SDC2: variants seen among roughly 807,000 people sequenced by gnomAD.
SDC2 encodes syndecan 2.
A neutral mutation model predicts 22.2 loss-of-function variants in SDC2; 13 were observed. That is an observed-to-expected ratio of 0.59 (90% CI 0.38 to 0.93). The LOEUF (loss-of-function observed/expected upper bound fraction) is 0.93. Ranked by LOEUF, SDC2 falls within the 40% of genes least tolerant of loss-of-function variation. The pLI is 0.00. For synonymous variants in SDC2, 94 were observed against 92.8 expected (o/e 1.01, Z -0.07); for missense variants, 235 against 246.8 (o/e 0.95, Z 0.32).
rs1024731604 is a variant in SDC2, at chr8:96,611,008, G to A, written c.*1460G>A. The A allele has an allele frequency of 2.0e-5, 3 of 152,644 alleles. No individual in the cohort carries two copies. The highest frequency in any genetic ancestry group is 2.0e-4 in the Admixed American group (3 of 15,286). The allele number at this position is 152,644 out of a possible 1,614,324, so 9.5% of individuals were successfully genotyped here. ...TCTGAATGGGGCTTTCCTGATGTTG[G>A]TATCTAAGGCTTAGGCCTATAGATT... On this transcript the variant is annotated 3_prime_UTR_variant, in exon 5 of 5. Coordinates refer to ENST00000302190, the MANE Select transcript of SDC2 (RefSeq NM_002998.4).
chr8:96,535,706 G>A (rs538569859), intron 1 of SDC2, among the ~76,000 whole-genome samples: 1 of 152,302 alleles, frequency 6.6e-6, no homozygotes, highest in South Asian at 2.1e-4. Context: ...CTGGAAGTAG[G>A]TAAAAGTTAA....
intron 1 of SDC2, among the ~76,000 whole-genome samples, chr8:96,506,056 A>G (rs544689169): frequency 6.6e-6 from 1 of 152,368 alleles, no homozygotes; most frequent in South Asian, 2.1e-4. Flanking sequence ...AACCCCTTGT[A>G]GAAGAGAAGT....
At chr8:96,553,883 C>T (rs1271797322) in intron 1 of SDC2, among the ~76,000 whole-genome samples, 1 of 152,078 alleles carries the variant, frequency 6.6e-6, no homozygotes. Flanking sequence ...GGTGATTCTC[C>T]CACCTCAGCC....
intron 2 of SDC2, among the ~76,000 whole-genome samples, chr8:96,598,657 G>A (rs926321012): frequency 2.0e-5 from 3 of 151,946 alleles, no homozygotes; most frequent in African/African-American, 7.2e-5. Context: ...AAGAGAATGA[G>A]CATGGGAACA....
intron 1 of SDC2, among the ~76,000 whole-genome samples, chr8:96,540,326 T>C (rs1813824687): frequency 1.5e-5 from 1 of 65,022 alleles, no homozygotes; most frequent in African/African-American, 4.0e-5. Flanking sequence ...ACCCTGTCTC[T>C]ACTATATATA....
intron 1 of SDC2, among the ~76,000 whole-genome samples, chr8:96,530,199 G>A (rs948393179): frequency 7.9e-5 from 12 of 152,104 alleles, no homozygotes; most frequent in Non-Finnish European, 1.5e-4. Context: ...TAAATCATGG[G>A]GTGGAGTGCA....
intron 1 of SDC2, among the ~76,000 whole-genome samples, chr8:96,575,786 G>A (rs1294091204): frequency 2.0e-5 from 3 of 152,104 alleles, no homozygotes; most frequent in Admixed American, 6.5e-5. Flanking sequence ...ATCTGAATAC[G>A]TGAATTCCAT....
At chr8:96,538,751 A>G (rs1197178726) in intron 1 of SDC2, 1 of 152,252 alleles carries the variant, frequency 6.6e-6, no homozygotes, top group Non-Finnish European at 1.5e-5. Context: ...TCAAATCTTC[A>G]GAATGTGAAG....
intron 3 of SDC2, among the ~76,000 whole-genome samples, chr8:96,604,570 C>T (rs148117330): frequency 5.3e-5 from 8 of 152,218 alleles, no homozygotes; most frequent in African/African-American, 1.9e-4. Context: ...TGAACATTGC[C>T]TCTAGGATAC....
chr8:96,498,275 C>T (rs1034626113), intron 1 of SDC2, among the ~76,000 whole-genome samples: 13 of 152,004 alleles, frequency 8.6e-5, no homozygotes, highest in Non-Finnish European at 1.3e-4. Flanking sequence ...GTGATCTTTC[C>T]GTTCATTTTT....
At chr8:96,539,266 T>C (rs1431529550) in intron 1 of SDC2, among the ~76,000 whole-genome samples, 2 of 152,246 alleles carry the variant, frequency 1.3e-5, no homozygotes, top group Non-Finnish European at 2.9e-5. Flanking sequence ...TTATCTCCCA[T>C]GTTTTCAAAG....
At chr8:96,525,200 C>T (rs1813558688) in intron 1 of SDC2, among the ~76,000 whole-genome samples, 2 of 152,180 alleles carry the variant, frequency 1.3e-5, no homozygotes, top group Non-Finnish European at 2.9e-5. Context: ...ATGAGGCTTC[C>T]GGTTGATGTG....
chr8:96,522,903 T>G (rs1813518750), intron 1 of SDC2, among the ~76,000 whole-genome samples: 1 of 152,214 alleles, frequency 6.6e-6, no homozygotes, highest in South Asian at 2.1e-4. Context: ...GAAATGGCTA[T>G]TTCTGGATTA....
chr8:96,549,451 A>G, intron 1 of SDC2, among the ~76,000 whole-genome samples: 1 of 152,204 alleles, frequency 6.6e-6, no homozygotes, highest in East Asian at 1.9e-4. Flanking sequence ...TTTATCTTTG[A>G]GAACTGTCCA....
chr8:96,604,701 ATTTG>A (rs1282923125), intron 3 of SDC2, among the ~76,000 whole-genome samples: 4 of 152,270 alleles, frequency 2.6e-5, no homozygotes, highest in African/African-American at 9.6e-5. Flanking sequence ...GAATCTCGTT[ATTTG>A]TTTGAGAAGA....
chr8:96,539,457 T>G (rs1401451826), intron 1 of SDC2, among the ~76,000 whole-genome samples: 1 of 152,254 alleles, frequency 6.6e-6, no homozygotes, highest in Non-Finnish European at 1.5e-5. Flanking sequence ...CTGGTTGAAT[T>G]TATATTTTCA....
chr8:96,607,462 A>G (rs1815100718), intron 3 of SDC2, among the ~76,000 whole-genome samples: 1 of 152,206 alleles, frequency 6.6e-6, no homozygotes, highest in Non-Finnish European at 1.5e-5. Flanking sequence ...ATAACTTGGT[A>G]ACACCCCAAA....
intron 1 of SDC2, among the ~76,000 whole-genome samples, chr8:96,572,966 C>A (rs1192505116): frequency 1.3e-5 from 2 of 152,100 alleles, no homozygotes; most frequent in African/African-American, 2.4e-5. Flanking sequence ...TTGTGACCAC[C>A]AGCTTAGTTA....
At chr8:96,544,744 A>G (rs1163134985) in intron 1 of SDC2, among the ~76,000 whole-genome samples, 4 of 152,238 alleles carry the variant, frequency 2.6e-5, no homozygotes. Flanking sequence ...TAAATAAATG[A>G]ATGGGTTTAG....
Sources: gnomAD v4.1 joint callset for allele counts (sites outside exome capture counted in the v4.1 genomes callset) on GRCh38, gnomAD v4.1.1 for gene constraint, MANE v1.5 for transcripts, NCBI Gene and HGNC (gene_info 2026-07-23, HGNC 2026-07-21) for gene names.